The following LRP2 variants were observed in gnomAD, a reference collection of about 807,000 sequenced individuals.
LRP2 encodes the protein LDL receptor related protein 2.
Under a neutral mutation model 531.0 loss-of-function variants are expected in LRP2, and 172 were observed. The observed-to-expected ratio is 0.32, with a 90% CI of 0.29 to 0.37. The LOEUF (loss-of-function observed/expected upper bound fraction) is 0.37, where lower values mean the gene tolerates loss of function less well. LRP2 is among the 10% of genes least tolerant of loss of function. The pLI is 1.00. For synonymous variants in LRP2, 1,992 were observed against 2,027.6 expected, an observed-to-expected ratio of 0.98 and a Z score of 0.47; for missense variants, 5,167 against 5,868.3, an observed-to-expected ratio of 0.88 and a Z score of 3.90.
intron 4 of LRP2, among the ~76,000 whole-genome samples, chr2:169,297,994 C>A (rs1354969021): frequency 1.3e-5 from 2 of 149,396 alleles, no homozygotes; most frequent in Non-Finnish European, 3.0e-5. Flanking sequence ...CACACACACA[C>A]AAGAAATTAC....
chr2:169,240,269 T>A (rs1689757155), intron 25 of LRP2, among the ~76,000 whole-genome samples: 1 of 152,166 alleles, frequency 6.6e-6, no homozygotes, highest in Admixed American at 6.5e-5. Context: ...TCCGGTAACA[T>A]ATCGTCATGC....
intron 1 of LRP2, among the ~76,000 whole-genome samples, chr2:169,348,348 G>GT (rs1245876540): frequency 2.6e-5 from 4 of 152,276 alleles, no homozygotes; most frequent in African/African-American, 9.6e-5. Context: ...CAGGAGACAA[G>GT]TGGCCATGGG....
chr2:169,243,336 T>C (rs1689881387), intron 23 of LRP2, 67 bp downstream of exon 23: 1 of 1,585,604 alleles, frequency 6.3e-7, no homozygotes, highest in Non-Finnish European at 8.6e-7. Flanking sequence ...CCTCCCTGTG[T>C]CCATGTGTTA....
At chr2:169,191,457 C>A (rs2105310428) in intron 48 of LRP2, among the ~76,000 whole-genome samples, 1 of 152,292 alleles carries the variant, frequency 6.6e-6, no homozygotes, top group Non-Finnish European at 1.5e-5. Context: ...CTGTGCAAGG[C>A]CAGATTCTGT....
At chr2:169,300,967 A>C (rs893493470) in intron 4 of LRP2, among the ~76,000 whole-genome samples, 3 of 152,158 alleles carry the variant, frequency 2.0e-5, no homozygotes, top group African/African-American at 7.2e-5. Context: ...GATATAAAGA[A>C]AAATGTTTAA....
At chr2:169,142,943 T>C in intron 70 of LRP2, 150 bp from the exon 71 acceptor site, 1 of 822,858 alleles carries the variant, frequency 1.2e-6, no homozygotes, top group Non-Finnish European at 2.1e-6. Context: ...CTCACCCTCA[T>C]TTACACTATC....
intron 16 of LRP2, among the ~76,000 whole-genome samples, chr2:169,263,641 G>A (rs1329996163): frequency 2.7e-5 from 4 of 150,606 alleles, no homozygotes; most frequent in African/African-American, 9.7e-5. Flanking sequence ...CTTTTACACT[G>A]TTGGTGGGAC....
chr2:169,146,141 A>T (rs2105347581), intron 69 of LRP2, among the ~76,000 whole-genome samples: 1 of 152,268 alleles, frequency 6.6e-6, no homozygotes, highest in African/African-American at 2.4e-5. Context: ...AACCACATTG[A>T]TGTATACCAC....
chr2:169,171,285 T>G (rs963054199), intron 58 of LRP2, among the ~76,000 whole-genome samples: 1 of 152,114 alleles, frequency 6.6e-6, no homozygotes, highest in African/African-American at 2.4e-5. Context: ...AGTTAGAATG[T>G]GTTTCATTAG....
At chr2:169,341,707 G>A (rs1284455245) in intron 1 of LRP2, among the ~76,000 whole-genome samples, 1 of 152,158 alleles carries the variant, frequency 6.6e-6, no homozygotes, top group East Asian at 1.9e-4. Context: ...TTAAGTATGT[G>A]AGGCCCAGAG....
intron 1 of LRP2, among the ~76,000 whole-genome samples, chr2:169,353,943 C>T (rs562135406): frequency 3.8e-4 from 58 of 152,334 alleles, no homozygotes; most frequent in African/African-American, 1.4e-3. Flanking sequence ...GGGAGCCATG[C>T]ACTCCAGCCT....
chr2:169,177,100 C>T (rs1687223637), intron 53 of LRP2, among the ~76,000 whole-genome samples: 1 of 152,118 alleles, frequency 6.6e-6, no homozygotes, highest in South Asian at 2.1e-4. Context: ...TATTAACTTC[C>T]AGAAAGAAAT....
intron 42 of LRP2, among the ~76,000 whole-genome samples, chr2:169,203,288 T>A (rs1280479898): frequency 6.6e-6 from 1 of 152,204 alleles, no homozygotes; most frequent in Non-Finnish European, 1.5e-5. Flanking sequence ...GAAGCACATA[T>A]GATCCCACCC....
At chr2:169,351,011 G>A (rs1685832544) in intron 1 of LRP2, among the ~76,000 whole-genome samples, 1 of 152,140 alleles carries the variant, frequency 6.6e-6, no homozygotes, top group Non-Finnish European at 1.5e-5. Flanking sequence ...ATGAAAACAG[G>A]TCAGGGATAT....
chr2:169,336,446 A>T (rs1685405934), intron 1 of LRP2, among the ~76,000 whole-genome samples: 1 of 152,056 alleles, frequency 6.6e-6, no homozygotes, highest in South Asian at 2.1e-4. Context: ...AGGCTGAGGC[A>T]GGAGAATCAC....
At chr2:169,327,417 AC>A (rs1685114357) in intron 1 of LRP2, among the ~76,000 whole-genome samples, 1 of 76,468 alleles carries the variant, frequency 1.3e-5, no homozygotes, top group Admixed American at 1.4e-4. Flanking sequence ...CGGGCCAGCC[AC>A]CCCGTCCGGG....
intron 3 of LRP2, among the ~76,000 whole-genome samples, chr2:169,310,325 T>C (rs1303263421): frequency 2.6e-5 from 4 of 152,214 alleles, no homozygotes; most frequent in African/African-American, 9.6e-5. Flanking sequence ...CAGGATGATA[T>C]TGGCTGTGGG....
chr2:169,295,095 C>T (rs1684102855), intron 4 of LRP2, among the ~76,000 whole-genome samples: 1 of 152,138 alleles, frequency 6.6e-6, no homozygotes, highest in Non-Finnish European at 1.5e-5. Flanking sequence ...TTACATGATA[C>T]AGATAACATC....
At chr2:169,319,470 G>A (rs928881794) in intron 2 of LRP2, among the ~76,000 whole-genome samples, 15 of 152,188 alleles carry the variant, frequency 9.9e-5, no homozygotes, top group South Asian at 4.2e-4. Flanking sequence ...TATCACTATC[G>A]TCATTGATAT....
Sources: gnomAD v4.1 joint callset for allele counts (sites outside exome capture counted in the v4.1 genomes callset) on GRCh38, gnomAD v4.1.1 for gene constraint, MANE v1.5 for transcripts, NCBI Gene and HGNC (gene_info 2026-07-23, HGNC 2026-07-21) for gene names.